The following ZNF827 variants were observed in gnomAD, a reference collection of about 807,000 sequenced individuals.
ZNF827 encodes zinc finger protein 827.
ZNF827 carries 13 observed loss-of-function variants against 102.4 expected under a neutral mutation model. The observed-to-expected ratio is 0.13, with a 90% CI of 0.08 to 0.20. The LOEUF (loss-of-function observed/expected upper bound fraction) is 0.20. Among genes scored for constraint, ZNF827 ranks in the 10% least tolerant of loss-of-function variants. ZNF827 has a pLI of 1.00. For synonymous variants in ZNF827, 523 were observed against 536.2 expected (o/e 0.98, Z 0.34); for missense variants, 1,103 against 1,344.4 (o/e 0.82, Z 2.81).
At chr4:145,920,395 G>A (rs4835269) in intron 1 of ZNF827, among the ~76,000 whole-genome samples, 81,041 of 151,990 alleles carry the variant, frequency 0.53, 23,690 homozygotes, top group African/African-American at 0.77. Flanking sequence ...TCTGGAATGT[G>A]CCACAGACTT....
intron 4 of ZNF827, among the ~76,000 whole-genome samples, chr4:145,874,137 T>C (rs1220239075): frequency 6.6e-6 from 1 of 152,146 alleles, no homozygotes; most frequent in East Asian, 1.9e-4. Flanking sequence ...GTATATGCTA[T>C]AAGAGACTTA....
At chr4:145,875,238 CT>C (rs1015969082) in intron 4 of ZNF827, among the ~76,000 whole-genome samples, 1 of 152,082 alleles carries the variant, frequency 6.6e-6, no homozygotes, top group African/African-American at 2.4e-5. Context: ...GGGATCAAAC[CT>C]TCCATCAATC....
intron 4 of ZNF827, among the ~76,000 whole-genome samples, chr4:145,879,440 C>T (rs1057306771): frequency 4.6e-5 from 7 of 152,152 alleles, no homozygotes; most frequent in Admixed American, 1.3e-4. Flanking sequence ...AATGACACTT[C>T]CCTTTGTTTT....
At chr4:145,875,860 T>C (rs1023123506) in intron 4 of ZNF827, among the ~76,000 whole-genome samples, 1 of 152,190 alleles carries the variant, frequency 6.6e-6, no homozygotes, top group Non-Finnish European at 1.5e-5. Context: ...TAGGATATGC[T>C]TCAGGGGTTC....
At chr4:145,919,928 C>T (rs1022601149) in intron 1 of ZNF827, among the ~76,000 whole-genome samples, 1 of 152,188 alleles carries the variant, frequency 6.6e-6, no homozygotes, top group African/African-American at 2.4e-5. Flanking sequence ...AGAAAGGGCA[C>T]AAGCTTTGGA....
At chr4:145,930,673 A>C (rs1341242017) in intron 1 of ZNF827, among the ~76,000 whole-genome samples, 1 of 152,236 alleles carries the variant, frequency 6.6e-6, no homozygotes, top group Non-Finnish European at 1.5e-5. Flanking sequence ...GGACAGTCGG[A>C]AACAATATCC....
intron 8 of ZNF827, among the ~76,000 whole-genome samples, chr4:145,808,838 AG>A (rs1186790496): frequency 6.6e-6 from 1 of 152,210 alleles, no homozygotes; most frequent in Non-Finnish European, 1.5e-5. Flanking sequence ...TCTGACACCA[AG>A]GCTGGAGTGC....
At chr4:145,779,059 G>C (rs566105224) in intron 9 of ZNF827, among the ~76,000 whole-genome samples, 39 of 151,974 alleles carry the variant, frequency 2.6e-4, no homozygotes, top group Middle Eastern at 3.4e-3. Flanking sequence ...GTAAGATGGA[G>C]TGTGTCCCCC....
Position 145,870,649 on chromosome 4 carries a change from A to AT in ZNF827, c.1748-172dup. ...TGGGCAAAACCACACAATACACTCC[A>AT]TGGGCCTACAACTCTGAGGAGTGTG... On this transcript the variant is annotated intron_variant, in intron 4 of 14. Transcript: ENST00000508784. The AT allele has an allele frequency of 6.8e-6, 4 of 588,372 alleles. No homozygotes were observed. In the South Asian group the frequency reaches 8.6e-5, roughly 13 times the overall value. 36.4% of individuals were successfully genotyped at this position (588,372 alleles called of 1,614,324 possible). A position where few individuals can be genotyped will look rare whatever the true frequency, so the allele number is the denominator to read the frequency against.
chr4:145,788,357 T>C (rs969021039), intron 8 of ZNF827, among the ~76,000 whole-genome samples: 5 of 152,186 alleles, frequency 3.3e-5, no homozygotes, highest in African/African-American at 1.2e-4. Context: ...GCTGATCACA[T>C]AGAACTTGAG....
At chr4:145,804,863 T>A (rs561666000) in intron 8 of ZNF827, among the ~76,000 whole-genome samples, 233 of 152,352 alleles carry the variant, frequency 1.5e-3, no homozygotes, top group African/African-American at 5.5e-3. Context: ...TATATTTATA[T>A]AACAAATATT....
chr4:145,859,611 T>C (rs6844595), intron 5 of ZNF827, among the ~76,000 whole-genome samples: 5,604 of 152,276 alleles, frequency 0.037, 270 homozygotes, highest in East Asian at 0.16. Flanking sequence ...TCAACCTTCT[T>C]TTCCAAATGC....
chr4:145,918,332 CAAAAAAAAA>C (rs34428145), intron 1 of ZNF827, among the ~76,000 whole-genome samples: 3 of 22,128 alleles, frequency 1.4e-4, no homozygotes, highest in African/African-American at 4.6e-4. Flanking sequence ...TAGCTCAAGG[CAAAAAAAAA>C]AAAAAAAAAA....
chr4:145,870,819 A>C, intron 4 of ZNF827: 1 of 196,260 alleles, frequency 5.1e-6, no homozygotes, highest in Non-Finnish European at 1.1e-5. Flanking sequence ...TCCCCACCTA[A>C]TCCTATTATG....
chr4:145,897,997 A>T (rs1237148923), intron 2 of ZNF827, among the ~76,000 whole-genome samples: 1 of 152,136 alleles, frequency 6.6e-6, no homozygotes, highest in African/African-American at 2.4e-5. Flanking sequence ...TCTACTAAAA[A>T]TACAAAAATT....
At chr4:145,878,592 CAGGACAGGACAGGAAAGGAA>C (rs1196877746) in intron 4 of ZNF827, among the ~76,000 whole-genome samples, 312 of 120,050 alleles carry the variant, frequency 2.6e-3, no homozygotes, top group Non-Finnish European at 2.3e-3. Flanking sequence ...CAGGACAGGA[CAGGACAGGACAGGAAAGGAA>C]AGGAAAGGAA....
At chr4:145,906,967 G>T (rs1000059662) in intron 1 of ZNF827, 5 of 430,836 alleles carry the variant, frequency 1.2e-5, no homozygotes, top group African/African-American at 4.1e-5. Flanking sequence ...GGTTATTCAA[G>T]AAATAAGTTA....
chr4:145,785,457 T>G (rs940003098), intron 8 of ZNF827, among the ~76,000 whole-genome samples: 5 of 152,170 alleles, frequency 3.3e-5, no homozygotes, highest in African/African-American at 9.6e-5. Flanking sequence ...GAGCACTCAG[T>G]TATCTTCAGA....
In ZNF827 at chr4:145,760,433, T is replaced by A. The variant is rs1312158448; in HGVS notation, c.*1183A>T. 6.5e-6 allele frequency: 1 copy of A among 153,664 alleles called. No individual in the cohort carries two copies. Among genetic ancestry groups the A allele is most frequent in the Non-Finnish European group, 1.4e-5 (1 of 69,256 alleles). The allele number at this position is 153,664 out of a possible 1,614,324, so 9.5% of individuals were successfully genotyped here. A position where few individuals can be genotyped will look rare whatever the true frequency, so the allele number is the denominator to read the frequency against. ...AAGTGCTGATTGCTATTAAGGACAC[T>A]CTCTTTAGGGTTTAACAAGACAAGA... is the stretch of plus-strand genomic sequence containing the variant. On this transcript the variant is annotated 3_prime_UTR_variant, in exon 15 of 15. Transcript: ENST00000508784.
Sources: allele counts gnomAD v4.1 joint callset (sites outside exome capture counted in the v4.1 genomes callset), GRCh38; gene constraint gnomAD v4.1.1; transcripts MANE v1.5; gene names NCBI Gene and HGNC (gene_info 2026-07-23, HGNC 2026-07-21).